Variants in LHCGR observed in about 807,000 individuals in gnomAD.
The protein encoded by LHCGR is lutropin-choriogonadotropic hormone receptor.
Under a neutral mutation model 60.7 loss-of-function variants are expected in LHCGR, and 55 were observed. The ratio of observed to expected loss-of-function variants is 0.91; its 90% confidence interval spans 0.73 to 1.13. The LOEUF (loss-of-function observed/expected upper bound fraction) is 1.13. Among genes scored for constraint, LHCGR ranks in the 50% most tolerant of loss-of-function variants. The pLI, the probability that LHCGR is intolerant of heterozygous loss-of-function variation, is 0.00. For synonymous variants in LHCGR, 337 were observed against 316.5 expected (o/e 1.06, Z -0.69); for missense variants, 862 against 836.0 (o/e 1.03, Z -0.38).
At chr2:48,732,445 G>A (rs974343402) in intron 1 of LHCGR, among the ~76,000 whole-genome samples, 1 of 152,196 alleles carries the variant, frequency 6.6e-6, no homozygotes, top group African/African-American at 2.4e-5. Context: ...GAAGGGACTT[G>A]CTACAGTTGT....
chr2:48,747,915 G>A (rs1669784714), intron 1 of LHCGR, among the ~76,000 whole-genome samples: 2 of 152,164 alleles, frequency 1.3e-5, no homozygotes, highest in Admixed American at 1.3e-4. Context: ...TTGTTGCTCA[G>A]TGAGAGGACC....
intron 6 of LHCGR, among the ~76,000 whole-genome samples, chr2:48,715,433 C>G (rs1668203971): frequency 6.6e-6 from 1 of 152,178 alleles, no homozygotes; most frequent in African/African-American, 2.4e-5. Flanking sequence ...TGAGAAAGGG[C>G]TGTGGTGTGA....
intron 1 of LHCGR, among the ~76,000 whole-genome samples, chr2:48,752,986 G>GGGA (rs1553400369): frequency 1.6e-5 from 1 of 63,854 alleles, no homozygotes; most frequent in African/African-American, 6.2e-5. Context: ...TTTGGCGGGG[G>GGGA]GGGGGGGGGG....
At chr2:48,754,308 A>G (rs1392664209) in intron 1 of LHCGR, among the ~76,000 whole-genome samples, 2 of 152,160 alleles carry the variant, frequency 1.3e-5, no homozygotes, top group Non-Finnish European at 2.9e-5. Context: ...ACAGCCCGTG[A>G]CAGACTGTTG....
In LHCGR at chr2:48,688,385, G is replaced by A. The variant is rs1680016225; in HGVS notation, c.1412C>T (p.Ala471Val). 6.2e-7 allele frequency: 1 copy of A among 1,614,060 alleles called. No individual in the cohort carries two copies. Among genetic ancestry groups the A allele is most frequent in the Admixed American group, 1.7e-5 (1 of 59,996 alleles). ...TCGCAGCTTTTGGTCCAGGTGAATA[G>A]CATAGGTGATGGTGTGCCATCTTTC... ...TLERWHTITY[A>V]IHLDQKLRLR... The change falls in exon 11 of 11, where the codon GCT becomes GTT. Residue 471 changes from alanine to valine, a missense_variant. Physicochemically the swap from Ala to Val is moderately conservative, Grantham distance 64. Coordinates refer to ENST00000294954, the MANE Select transcript of LHCGR (RefSeq NM_000233.4). This position sits in a 1 kb window ranked among gnomAD's most constrained non-coding sequence, Gnocchi z 5.2.
chr2:48,716,605 T>G (rs535684980), intron 6 of LHCGR, among the ~76,000 whole-genome samples: 10 of 152,278 alleles, frequency 6.6e-5, no homozygotes, highest in African/African-American at 2.4e-4. Flanking sequence ...TCTGAGAACA[T>G]AGGTACAGGG....
chr2:48,727,632 T>C (rs1388679985), intron 3 of LHCGR, among the ~76,000 whole-genome samples: 1 of 152,242 alleles, frequency 6.6e-6, no homozygotes, highest in Non-Finnish European at 1.5e-5. Context: ...GGGATAGGAC[T>C]GTCGTCTGTA....
chr2:48,726,456 A>T (rs1311886570), intron 3 of LHCGR, among the ~76,000 whole-genome samples: 2 of 152,214 alleles, frequency 1.3e-5, no homozygotes, highest in Non-Finnish European at 2.9e-5. Context: ...AAAGTATAAA[A>T]GTACAGCCAT....
chr2:48,704,483 C>T (rs1667566379), intron 8 of LHCGR, among the ~76,000 whole-genome samples: 1 of 152,154 alleles, frequency 6.6e-6, no homozygotes, highest in Non-Finnish European at 1.5e-5. Context: ...CCTCTTTGTA[C>T]CTCTGGTAGA....
intron 3 of LHCGR, among the ~76,000 whole-genome samples, chr2:48,726,229 G>A (rs117722305): frequency 6.6e-6 from 1 of 152,294 alleles, no homozygotes; most frequent in East Asian, 1.9e-4. Flanking sequence ...CCAGTCTGTG[G>A]AATGGCACAG....
chr2:48,688,375 C>T lies in LHCGR; in HGVS notation c.1422G>A (p.Leu474=), dbSNP rs1680015645. The change falls in exon 11 of 11, where the codon CTG becomes CTA. Residue 474 remains leucine (L), a synonymous_variant. Transcript: ENST00000294954. This position sits in a 1 kb window ranked among gnomAD's most constrained non-coding sequence, Gnocchi z 5.2. ...RWHTITYAIH[L]DQKLRLRHAI... The stretch of plus-strand genomic sequence containing the variant: ...CATGTCTTAATCGCAGCTTTTGGTC[C>T]AGGTGAATAGCATAGGTGATGGTGT... 1 of 1,613,960 alleles carries T rather than the reference C, an allele frequency of 6.2e-7. No individual in the cohort carries two copies. Among genetic ancestry groups the T allele is most frequent in the Non-Finnish European group, 8.5e-7 (1 of 1,180,024 alleles).
chr2:48,690,591 A>G (rs544775758), intron 10 of LHCGR, among the ~76,000 whole-genome samples: 2 of 152,286 alleles, frequency 1.3e-5, no homozygotes, highest in East Asian at 1.9e-4. Flanking sequence ...AGTTCTCTGA[A>G]TAAGTTCTAC....
At position 48,698,779 on chromosome 2, in the gene LHCGR, C is replaced by A. The variant is rs1217795775; in HGVS notation, c.702G>T (p.Leu234Phe). ...CTAGGCCATAGCTCGGCAGGGCCTGCAATTTGGTGGAAGAAATATCCCTGA... is the reference window on the plus strand; with the variant it reads ...CTAGGCCATAGCTCGGCAGGGCCTGAAATTTGGTGGAAGAAATATCCCTGA... Reference protein sequence around the residue: ...PKTLDISSTKLQALPSYGLES... With the variant: ...PKTLDISSTKFQALPSYGLES... The change falls in exon 9 of 11, where the codon TTG (leucine) becomes TTT (phenylalanine). Residue 234 changes from leucine to phenylalanine, a missense_variant. Leu to Phe is a conservative substitution (Grantham distance 22). Transcript: ENST00000294954. 1 of 1,613,626 alleles carries A rather than the reference C, an allele frequency of 6.2e-7. No individual in the cohort carries two copies. Among genetic ancestry groups the A allele is most frequent in the Non-Finnish European group, 8.5e-7 (1 of 1,179,586 alleles).
intron 1 of LHCGR, among the ~76,000 whole-genome samples, chr2:48,749,783 G>A (rs1669875018): frequency 6.6e-6 from 1 of 152,026 alleles, no homozygotes; most frequent in Non-Finnish European, 1.5e-5. Flanking sequence ...AGGGAGCTGG[G>A]TCCAATGCCA....
chr2:48,754,601 C>T (rs539319403), intron 1 of LHCGR, among the ~76,000 whole-genome samples: 26 of 152,240 alleles, frequency 1.7e-4, no homozygotes, highest in Admixed American at 1.2e-3. Flanking sequence ...CACCACCCCC[C>T]CGCCCCAAGC....
At chr2:48,740,474 A>C (rs1467732356) in intron 1 of LHCGR, among the ~76,000 whole-genome samples, 16 of 152,148 alleles carry the variant, frequency 1.1e-4, no homozygotes, top group Admixed American at 7.9e-4. Context: ...AGTGGTTCTC[A>C]CAGCACGCAG....
rs576196979 is a variant in LHCGR at position 48,732,281 on chromosome 2, T to G, written c.162-983A>C. 2.0e-5 allele frequency among the ~76,000 whole-genome samples: 3 copies of G among 152,242 alleles called. No homozygotes were observed. The South Asian group carries it at 6.2e-4, about 32-fold the overall frequency. Reference sequence around the variant, plus strand: ...AGGGAGTGGGCAAGGATATTTCAGGTGGGAAGTGAGTATGTGAGTATCAGG... The same window carrying G: ...AGGGAGTGGGCAAGGATATTTCAGGGGGGAAGTGAGTATGTGAGTATCAGG... On this transcript the variant is annotated intron_variant, in intron 1 of 10. Transcript: ENST00000294954.
chr2:48,699,046 G>A (rs1302801036), intron 8 of LHCGR, among the ~76,000 whole-genome samples: 3 of 152,090 alleles, frequency 2.0e-5, no homozygotes, highest in East Asian at 3.9e-4. Flanking sequence ...GGATGGTGTC[G>A]ATCTTCTGAC....
At chr2:48,734,133 A>G (rs764263462) in intron 1 of LHCGR, among the ~76,000 whole-genome samples, 1 of 152,178 alleles carries the variant, frequency 6.6e-6, no homozygotes, top group Admixed American at 6.5e-5. Context: ...GTGAGGGAGT[A>G]TGTAAAATTT....
Sources: gnomAD v4.1 joint callset for allele counts (sites outside exome capture counted in the v4.1 genomes callset) on GRCh38, gnomAD v4.1.1 for gene constraint, Gnocchi (gnomAD v3.1) non-coding constraint, MANE v1.5 for transcripts, NCBI Gene and HGNC (gene_info 2026-07-23, HGNC 2026-07-21) for gene names.